The following AFG2A variants were observed in gnomAD, a reference collection of about 807,000 sequenced individuals.
The protein encoded by AFG2A is AAA ATPase AFG2A.
At chr4:123,096,841 T>A in the AFG2A span, among the ~76,000 whole-genome samples, 1 of 152,160 alleles carries the variant, frequency 6.6e-6, no homozygotes, top group African/African-American at 2.4e-5. Context: ...TGTGTTAGAC[T>A]CATGGAGGTA....
At chr4:123,200,460 T>C in the AFG2A span, among the ~76,000 whole-genome samples, 210 of 152,356 alleles carry the variant, frequency 1.4e-3, no homozygotes, top group Non-Finnish European at 2.4e-3. Context: ...TCTTTAGGGA[T>C]AATAAGTTGA....
chr4:122,934,103 AG>A, the AFG2A span: 3 of 1,590,120 alleles, frequency 1.9e-6, no homozygotes, highest in Non-Finnish European at 2.6e-6. Flanking sequence ...CTAGATGGCA[AG>A]ATTGTTTTAC....
chr4:123,114,757 A>G, the AFG2A span, among the ~76,000 whole-genome samples: 1 of 152,208 alleles, frequency 6.6e-6, no homozygotes, highest in African/African-American at 2.4e-5. Context: ...GGCTCTGCAG[A>G]GTGTGCAGCA....
At chr4:123,043,233 T>C in the AFG2A span, among the ~76,000 whole-genome samples, 32 of 152,340 alleles carry the variant, frequency 2.1e-4, no homozygotes, top group Middle Eastern at 3.4e-3. Context: ...GCAGTAGTTC[T>C]TTGCTTACAG....
At chr4:122,981,110 C>G in the AFG2A span, among the ~76,000 whole-genome samples, 2 of 152,064 alleles carry the variant, frequency 1.3e-5, no homozygotes, top group African/African-American at 4.8e-5. Flanking sequence ...ATGTTTTCTT[C>G]TAGTAGTTTT....
At chr4:123,223,174 G>A in the AFG2A span, among the ~76,000 whole-genome samples, 3 of 152,240 alleles carry the variant, frequency 2.0e-5, no homozygotes, top group Middle Eastern at 3.4e-3. Context: ...AAGGATTCCA[G>A]TTTTTCCACA....
chr4:123,138,933 T>C, the AFG2A span, among the ~76,000 whole-genome samples: 184 of 152,182 alleles, frequency 1.2e-3, no homozygotes, highest in African/African-American at 4.4e-3. Context: ...ATCAAAGAAC[T>C]AGAATTTTTA....
At chr4:123,232,356 G>T in the AFG2A span, among the ~76,000 whole-genome samples, 1 of 151,950 alleles carries the variant, frequency 6.6e-6, no homozygotes, top group Non-Finnish European at 1.5e-5. Flanking sequence ...AATATCTAGA[G>T]AAATAAGAGG....
the AFG2A span, among the ~76,000 whole-genome samples, chr4:123,188,812 A>G: frequency 1.3e-5 from 2 of 152,328 alleles, no homozygotes; most frequent in South Asian, 4.1e-4. Flanking sequence ...TCTTAATAGT[A>G]TTGGTTTATT....
the AFG2A span, among the ~76,000 whole-genome samples, chr4:123,183,004 A>G: frequency 6.6e-6 from 1 of 152,216 alleles, no homozygotes; most frequent in Non-Finnish European, 1.5e-5. Context: ...GTACATCAGA[A>G]TCACCAGATA....
the AFG2A span, among the ~76,000 whole-genome samples, chr4:123,134,273 A>G: frequency 6.6e-6 from 1 of 152,046 alleles, no homozygotes; most frequent in East Asian, 1.9e-4. Context: ...TTTTGACTTG[A>G]TTCATGTATA....
At chr4:122,945,206 C>T in the AFG2A span, among the ~76,000 whole-genome samples, 1 of 152,224 alleles carries the variant, frequency 6.6e-6, no homozygotes, top group East Asian at 1.9e-4. Context: ...GAGGTTACTG[C>T]TGTCTTTTTG....
chr4:123,076,887 T>A, the AFG2A span, among the ~76,000 whole-genome samples: 1 of 151,850 alleles, frequency 6.6e-6, no homozygotes, highest in Non-Finnish European at 1.5e-5. Context: ...TACCACAGAT[T>A]TATACTTGTT....
the AFG2A span, among the ~76,000 whole-genome samples, chr4:123,218,415 T>G: frequency 0.018 from 2,752 of 152,244 alleles, 34 homozygotes; most frequent in Non-Finnish European, 0.029. Flanking sequence ...AGAACAAAAT[T>G]TTAAATCTCT....
At chr4:123,007,590 GTGTGTGTGTGTGTGTGTGTATATATA>G in the AFG2A span, among the ~76,000 whole-genome samples, 1 of 4,564 alleles carries the variant, frequency 2.2e-4, no homozygotes, top group Admixed American at 1.8e-3. Context: ...GTGTGTGTGT[GTGTGTGTGTGTGTGTGTGTATATATA>G]TATATATATA....
chr4:123,288,045 A>C, the AFG2A span, among the ~76,000 whole-genome samples: 1 of 152,118 alleles, frequency 6.6e-6, no homozygotes, highest in Non-Finnish European at 1.5e-5. Flanking sequence ...AGTTGAAAAA[A>C]AGTGGGAGTA....
chr4:123,014,471 AT>A, the AFG2A span, among the ~76,000 whole-genome samples: 2 of 152,088 alleles, frequency 1.3e-5, no homozygotes, highest in African/African-American at 4.8e-5. Context: ...ATGGTTAACC[AT>A]TTTTAAGGTG....
the AFG2A span, among the ~76,000 whole-genome samples, chr4:123,293,690 A>C: frequency 6.6e-6 from 1 of 152,168 alleles, no homozygotes; most frequent in Non-Finnish European, 1.5e-5. Context: ...AAGGGACACT[A>C]TGCAGACAAG....
At chr4:123,028,941 C>T in the AFG2A span, among the ~76,000 whole-genome samples, 2 of 152,176 alleles carry the variant, frequency 1.3e-5, no homozygotes, top group African/African-American at 4.8e-5. Flanking sequence ...TGTAGTTGTA[C>T]ACTTACTTTA....
Sources: allele counts gnomAD v4.1 joint callset (sites outside exome capture counted in the v4.1 genomes callset), GRCh38; gene constraint gnomAD v4.1.1; transcripts MANE v1.5; gene names NCBI Gene and HGNC (gene_info 2026-07-23, HGNC 2026-07-21).